TESMIN: variants seen among roughly 807,000 people sequenced by gnomAD.
TESMIN encodes CXC domain containing 2.
A neutral mutation model predicts 47.4 loss-of-function variants in TESMIN; 34 were observed. That is an observed-to-expected ratio of 0.72 (90% CI 0.55 to 0.96). The LOEUF is 0.96. Ranked by LOEUF, TESMIN falls within the 40% of genes least tolerant of loss-of-function variation. TESMIN has a pLI of 0.00. For synonymous variants in TESMIN, 278 were observed against 258.9 expected, an observed-to-expected ratio of 1.07 and a Z score of -0.71; for missense variants, 610 against 637.2, an observed-to-expected ratio of 0.96 and a Z score of 0.46.
chr11:68,750,158 G>T, intron 2 of TESMIN, 32 bp downstream of exon 2: 1 of 1,421,822 alleles, frequency 7.0e-7, no homozygotes, highest in Non-Finnish European at 9.2e-7. Flanking sequence ...GGATGGAGGG[G>T]GAGCTGTGCC....
chr11:68,735,808 G>A (rs1946380837), intron 6 of TESMIN, among the ~76,000 whole-genome samples: 1 of 152,264 alleles, frequency 6.6e-6, no homozygotes, highest in South Asian at 2.1e-4. Flanking sequence ...TGCTTTTGAA[G>A]GAGGTGGAAC....
At chr11:68,706,039 A>G (rs1283444304), downstream of TESMIN, among the ~76,000 whole-genome samples, 3 of 152,034 alleles carry the variant, frequency 2.0e-5, no homozygotes, top group Non-Finnish European at 4.4e-5. Flanking sequence ...AAAAAAAAAA[A>G]AAAAAAGATA....
chr11:68,737,841 AG>A lies in TESMIN; in HGVS notation c.917+858del, dbSNP rs1261070951. The A allele has an allele frequency of 3.6e-6, 3 of 822,620 alleles. No individual in the cohort carries two copies. The African/African-American group carries it at 5.6e-5, about 15-fold the overall frequency. The allele number at this position is 822,620 out of a possible 1,614,324, so 51.0% of individuals were successfully genotyped here. On this transcript the variant is annotated intron_variant, in intron 6 of 9. Coordinates refer to ENST00000255087, the MANE Select transcript of TESMIN (RefSeq NM_004923.3). ...GGAAGGAGAATTGCTTGAACCCAGGAGGCGGAGGTTGCAGTGAGCAGAGATC... is the reference window on the plus strand; with the variant it reads ...GGAAGGAGAATTGCTTGAACCCAGGAGCGGAGGTTGCAGTGAGCAGAGATC...
At chr11:68,727,684 T>A (rs1946281512) in intron 6 of TESMIN, among the ~76,000 whole-genome samples, 2 of 152,204 alleles carry the variant, frequency 1.3e-5, no homozygotes, top group Admixed American at 6.5e-5. Flanking sequence ...TAAAACAAAT[T>A]GAAGGTTTGT....
At chr11:68,745,900 G>C (rs1946514550) in intron 3 of TESMIN, among the ~76,000 whole-genome samples, 1 of 152,230 alleles carries the variant, frequency 6.6e-6, no homozygotes, top group Non-Finnish European at 1.5e-5. Flanking sequence ...AGAAAGGCGA[G>C]AGATGCTGTG....
At chr11:68,739,946 C>T (rs1307527427) in intron 5 of TESMIN, among the ~76,000 whole-genome samples, 1 of 152,170 alleles carries the variant, frequency 6.6e-6, no homozygotes, top group Non-Finnish European at 1.5e-5. Flanking sequence ...GGTAAAATTA[C>T]TTTTTTTCCC....
In TESMIN at chr11:68,750,580, C is replaced by G. The variant is rs545762474; in HGVS notation, c.81G>C (p.Pro27=). Reference sequence around the variant, plus strand: ...TCAGGCCGATGTTCTCCGAAGCGAACGGACCCTCGGGGCTTAAGAGCTCCG... The same window carrying G: ...TCAGGCCGATGTTCTCCGAAGCGAAGGGACCCTCGGGGCTTAAGAGCTCCG... The part of the protein sequence containing the change: ...MVTELLSPEG[P]FASENIGLKA... The change falls in exon 2 of 10, where the codon CCG becomes CCC. Residue 27 remains proline, a synonymous_variant. Transcript: ENST00000255087. 1.9e-6 allele frequency: 3 copies of G among 1,606,952 alleles called. No individual in the cohort carries two copies. The highest frequency in any genetic ancestry group is 2.7e-5 in the African/African-American group (2 of 74,588).
chr11:68,748,963 G>A (rs747629189), intron 2 of TESMIN, among the ~76,000 whole-genome samples: 9 of 152,130 alleles, frequency 5.9e-5, no homozygotes, highest in African/African-American at 1.9e-4. Flanking sequence ...AGCCTCCCGA[G>A]TAGCTGGGAT....
chr11:68,717,969 G>A (rs1321012018), intron 6 of TESMIN, among the ~76,000 whole-genome samples: 1 of 152,210 alleles, frequency 6.6e-6, no homozygotes, highest in Non-Finnish European at 1.5e-5. Flanking sequence ...TGAGGACTCT[G>A]ACCAGCCCAG....
intron 6 of TESMIN, among the ~76,000 whole-genome samples, chr11:68,722,735 T>C (rs1282516063): frequency 6.6e-6 from 1 of 152,194 alleles, no homozygotes; most frequent in African/African-American, 2.4e-5. Context: ...AACTCACTAA[T>C]ACTGCACTAG....
chr11:68,750,255 C>A lies in TESMIN; in HGVS notation c.406G>T (p.Ala136Ser). The A allele has an allele frequency of 6.5e-7, 1 of 1,541,880 alleles. No homozygotes were observed. The change falls in exon 2 of 10, where the codon GCG becomes TCG. Residue 136 changes from alanine (A) to serine (S), a missense_variant. Coordinates refer to ENST00000255087, the MANE Select transcript of TESMIN (RefSeq NM_004923.3). ...SSLLPAHRSP[A>S]VLPLGAWVLE... ...ACCCAGGCGCCCAGGGGCAACACCG[C>A]CGGGCTGCGGTGCGCGGGTAGCAGC...
chr11:68,710,777 G>A, intron 9 of TESMIN, 97 bp downstream of exon 9: 1 of 1,219,908 alleles, frequency 8.2e-7, no homozygotes, highest in Admixed American at 2.7e-5. Flanking sequence ...GCCCCTGCAG[G>A]CTCACACATT....
intron 6 of TESMIN, among the ~76,000 whole-genome samples, chr11:68,719,515 T>A (rs1046967226): frequency 1.3e-5 from 2 of 152,100 alleles, no homozygotes; most frequent in African/African-American, 4.8e-5. Flanking sequence ...AAACAATAGA[T>A]CACACCAAAC....
At chr11:68,746,072 C>T (rs1003704448) in intron 3 of TESMIN, among the ~76,000 whole-genome samples, 9 of 152,320 alleles carry the variant, frequency 5.9e-5, no homozygotes, top group Admixed American at 4.6e-4. Context: ...CTACTATGGT[C>T]ATTGGATCAA....
In TESMIN at chr11:68,708,350, A is replaced by T. The variant is rs1946020898; in HGVS notation, c.1485T>A (p.Ile495=). Residue 495 remains isoleucine, a synonymous_variant, in exon 10 of 10, where the codon ATT becomes ATA. Transcript: ENST00000255087. ...CCTTAGATTTAAACTCAGTGTGGAG[A>T]ATCTGTGATAAGCACCTTCCAAATT... ...LEEFGRCLSQ[I]LHTEFKSKGL... 6.2e-7 allele frequency: 1 copy of T among 1,612,860 alleles called. No homozygotes were observed. Among genetic ancestry groups the T allele is most frequent in the African/African-American group, 1.3e-5 (1 of 74,958 alleles).
chr11:68,709,281 C>T (rs1010799305), intron 9 of TESMIN, among the ~76,000 whole-genome samples: 6 of 152,208 alleles, frequency 3.9e-5, no homozygotes, highest in African/African-American at 1.4e-4. Flanking sequence ...GGACTCTTGG[C>T]TGAGGCAGGG....
downstream of TESMIN, among the ~76,000 whole-genome samples, chr11:68,705,720 A>T (rs567009438): frequency 6.6e-6 from 1 of 152,338 alleles, no homozygotes; most frequent in African/African-American, 2.4e-5. Flanking sequence ...TAGTAGGTAC[A>T]GAGTAGAAAG....
intron 5 of TESMIN, among the ~76,000 whole-genome samples, chr11:68,739,364 G>A (rs141862533): frequency 1.0e-3 from 157 of 152,274 alleles, no homozygotes; most frequent in African/African-American, 3.3e-3. Flanking sequence ...GCTGTTCACA[G>A]GGAAAGGAAC....
intron 6 of TESMIN, among the ~76,000 whole-genome samples, chr11:68,729,402 G>C (rs779379589): frequency 6.6e-6 from 1 of 152,016 alleles, no homozygotes; most frequent in Non-Finnish European, 1.5e-5. Flanking sequence ...GTGGGCGCCT[G>C]TAATCCCAGC....
Sources: gnomAD v4.1 joint callset for allele counts (sites outside exome capture counted in the v4.1 genomes callset) on GRCh38, gnomAD v4.1.1 for gene constraint, MANE v1.5 for transcripts, NCBI Gene and HGNC (gene_info 2026-07-23, HGNC 2026-07-21) for gene names.